Variants in PARD3B observed in about 807,000 individuals in gnomAD.
The protein encoded by PARD3B is par-3 family cell polarity regulator beta, also known as partitioning defective 3 homolog B.
In PARD3B, 103 loss-of-function variants were observed where a neutral mutation model predicts 130.2. The observed-to-expected ratio is 0.79, with a 90% confidence interval of 0.67 to 0.93. The LOEUF (loss-of-function observed/expected upper bound fraction) is 0.93, where lower values mean the gene tolerates loss of function less well. Ranked by LOEUF, PARD3B falls within the 40% of genes least tolerant of loss-of-function variation. The probability of loss-of-function intolerance (pLI) is 0.00; values close to 1 mark genes in which losing one functional copy is unlikely to be tolerated. For synonymous variants in PARD3B, 583 were observed against 553.2 expected, an observed-to-expected ratio of 1.05 and a Z score of -0.76; for missense variants, 1,609 against 1,499.2, an observed-to-expected ratio of 1.07 and a Z score of -1.21.
At chr2:205,172,186 A>G (rs940542370) in intron 11 of PARD3B, 25 bp from the exon 12 acceptor site, 2 of 1,609,318 alleles carry the variant, frequency 1.2e-6, no homozygotes, top group African/African-American at 1.3e-5. Flanking sequence ...TCTGTTGAAT[A>G]TTGTTTTCCT....
rs537087325 is a variant in PARD3B, at chr2:205,592,664, A to G, written c.3261-22792A>G. On this transcript the variant is annotated intron_variant, in intron 22 of 22. Transcript: ENST00000406610. This position sits in a 1 kb window ranked among gnomAD's most constrained non-coding sequence, Gnocchi z 4.5. The stretch of plus-strand genomic sequence containing the variant: ...TTCATGATCTTATATATCTTACCAT[A>G]TAAATCTAAATCAATCATAACGTAT... 5.9e-5 allele frequency among the ~76,000 whole-genome samples: 9 copies of G among 152,246 alleles called. No individual in the cohort carries two copies. Among genetic ancestry groups the G allele is most frequent in the Non-Finnish European group, 1.3e-4 (9 of 68,042 alleles).
chr2:205,515,438 T>A (rs2050755388), intron 21 of PARD3B, among the ~76,000 whole-genome samples: 1 of 152,004 alleles, frequency 6.6e-6, no homozygotes, highest in Non-Finnish European at 1.5e-5. Flanking sequence ...CCACAATGGT[T>A]GAACTAATTT....
intron 20 of PARD3B, among the ~76,000 whole-genome samples, chr2:205,491,757 T>C (rs2049724208): frequency 6.6e-6 from 1 of 152,122 alleles, no homozygotes; most frequent in Admixed American, 6.6e-5. Context: ...GACAAGGATC[T>C]CAAAGGAGGC....
chr2:205,353,545 A>G (rs908340943), intron 18 of PARD3B, among the ~76,000 whole-genome samples: 1 of 152,204 alleles, frequency 6.6e-6, no homozygotes, highest in Non-Finnish European at 1.5e-5. Context: ...ATTCCTTGGT[A>G]CATAGAAGGA....
chr2:205,608,724 A>C (rs1457967504), intron 22 of PARD3B, among the ~76,000 whole-genome samples: 1 of 152,232 alleles, frequency 6.6e-6, no homozygotes, highest in South Asian at 2.1e-4. Context: ...CTGAACTGTC[A>C]TACAGAATCC....
At chr2:205,196,956 T>A (rs575537036) in intron 15 of PARD3B, among the ~76,000 whole-genome samples, 17 of 151,598 alleles carry the variant, frequency 1.1e-4, no homozygotes, top group African/African-American at 3.9e-4. Context: ...GTACTCATTC[T>A]CCTGCATGGA....
At chr2:205,214,000 ATTGT>A (rs2037782417) in intron 15 of PARD3B, among the ~76,000 whole-genome samples, 1 of 152,066 alleles carries the variant, frequency 6.6e-6, no homozygotes, top group Non-Finnish European at 1.5e-5. Context: ...ATTAGATCAA[ATTGT>A]TTGTGGCCCC....
At chr2:204,909,502 C>T (rs1553554500) in intron 2 of PARD3B, among the ~76,000 whole-genome samples, 2 of 152,086 alleles carry the variant, frequency 1.3e-5, no homozygotes, top group Non-Finnish European at 2.9e-5. Context: ...ATATAAAGTT[C>T]AATGTTAATA....
intron 21 of PARD3B, among the ~76,000 whole-genome samples, chr2:205,535,002 A>T (rs1000837627): frequency 6.6e-6 from 1 of 152,114 alleles, no homozygotes; most frequent in East Asian, 1.9e-4. Context: ...ATCGGGACAC[A>T]TGAGTTTCCA....
At position 205,563,850 on chromosome 2, in the gene PARD3B, G is replaced by T. The variant is rs949007812; in HGVS notation, c.3260+10447G>T. 6.6e-6 allele frequency among the ~76,000 whole-genome samples: 1 copy of T among 152,068 alleles called. No homozygotes were observed. Among genetic ancestry groups the T allele is most frequent in the Non-Finnish European group, 1.5e-5 (1 of 68,016 alleles). On this transcript the variant is annotated intron_variant, in intron 22 of 22. Coordinates refer to ENST00000406610, the MANE Select transcript of PARD3B (RefSeq NM_001302769.2). The surrounding 1 kb of genome is among the most constrained non-coding windows in gnomAD (Gnocchi z 4.2). ...AGAGATGTGAGTGGCGCCCCCTAGG[G>T]CTGCACAGACCATGTGCATGGACCA...
At chr2:204,676,738 C>T (rs535249969) in intron 1 of PARD3B, among the ~76,000 whole-genome samples, 19 of 144,220 alleles carry the variant, frequency 1.3e-4, no homozygotes, top group African/African-American at 4.6e-4. Flanking sequence ...GGTGCAATCT[C>T]GGCTCACTGC....
intron 2 of PARD3B, among the ~76,000 whole-genome samples, chr2:204,766,807 C>CA (rs57504030): frequency 0.014 from 1,933 of 141,806 alleles, 32 homozygotes; most frequent in African/African-American, 0.043. Flanking sequence ...TTTTGTAAAT[C>CA]AAAAAAAAAA....
chr2:204,707,654 A>G (rs1333624485), intron 2 of PARD3B, among the ~76,000 whole-genome samples: 1 of 152,130 alleles, frequency 6.6e-6, no homozygotes, highest in African/African-American at 2.4e-5. Flanking sequence ...TGTATTTTCC[A>G]CACAGGATTG....
intron 16 of PARD3B, among the ~76,000 whole-genome samples, chr2:205,294,061 A>G (rs75854943): frequency 0.033 from 5,052 of 152,260 alleles, 240 homozygotes; most frequent in African/African-American, 0.11. Context: ...CTGGAGACCA[A>G]TGCTGTGTAC....
chr2:204,875,452 G>C (rs932313878), intron 2 of PARD3B, among the ~76,000 whole-genome samples: 1 of 152,118 alleles, frequency 6.6e-6, no homozygotes, highest in Non-Finnish European at 1.5e-5. Flanking sequence ...TCTCAAACTT[G>C]AATGTGCTTT....
rs2044039674 is a variant in PARD3B, at chr2:205,352,719, T to G, written c.2631-48294T>G. Among the ~76,000 whole-genome samples, 1 of 152,148 alleles carries G rather than the reference T, an allele frequency of 6.6e-6. No homozygotes were observed. Among genetic ancestry groups the G allele is most frequent in the Non-Finnish European group, 1.5e-5 (1 of 68,020 alleles). On this transcript the variant is annotated intron_variant, in intron 18 of 22. Transcript: ENST00000406610. This position sits in a 1 kb window ranked among gnomAD's most constrained non-coding sequence, Gnocchi z 5.2. ...TGCGTTTTACTCACCCCTCATGCTT[T>G]GCACCTAAAGTGTGCTCATAACTTT...
intron 18 of PARD3B, among the ~76,000 whole-genome samples, chr2:205,374,499 C>G (rs1031340318): frequency 1.3e-5 from 2 of 152,166 alleles, no homozygotes; most frequent in African/African-American, 4.8e-5. Flanking sequence ...TCCCAAAGTG[C>G]TGGGATTACA....
intron 16 of PARD3B, among the ~76,000 whole-genome samples, chr2:205,255,324 T>A (rs2040034301): frequency 6.6e-6 from 1 of 152,128 alleles, no homozygotes; most frequent in South Asian, 2.1e-4. Context: ...AAAACAGTTT[T>A]TTTCTATTCT....
intron 18 of PARD3B, among the ~76,000 whole-genome samples, chr2:205,330,035 A>AAATT (rs1400429684): frequency 1.3e-4 from 1 of 7,852 alleles, no homozygotes; most frequent in South Asian, 0.036. Context: ...ATAAATAAAT[A>AAATT]AAATAAAATA....
Sources: gnomAD v4.1 joint callset for allele counts (sites outside exome capture counted in the v4.1 genomes callset) on GRCh38, gnomAD v4.1.1 for gene constraint, Gnocchi (gnomAD v3.1) non-coding constraint, MANE v1.5 for transcripts, NCBI Gene and HGNC (gene_info 2026-07-23, HGNC 2026-07-21) for gene names.